Variants in RPTOR observed in about 807,000 individuals in gnomAD.
RPTOR encodes regulatory associated protein of MTOR complex 1, also known as regulatory-associated protein of mTOR.
Under a neutral mutation model 169.9 loss-of-function variants are expected in RPTOR, and 21 were observed. That is an observed-to-expected ratio of 0.12 (90% CI 0.09 to 0.18). The LOEUF is 0.18. Among genes scored for constraint, RPTOR ranks in the 10% least tolerant of loss-of-function variants. RPTOR has a pLI of 1.00. For synonymous variants in RPTOR, 732 were observed against 753.2 expected (o/e 0.97, Z 0.46); for missense variants, 1,133 against 1,855.9 (o/e 0.61, Z 7.16).
chr17:80,778,870 C>CTCATGTGCGG (rs2143446186), intron 6 of RPTOR, among the ~76,000 whole-genome samples: 1 of 152,340 alleles, frequency 6.6e-6, no homozygotes, highest in East Asian at 1.9e-4. Flanking sequence ...GAAGGAACAA[C>CTCATGTGCGG]TGTCGTGGCA....
In RPTOR at chr17:80,545,658, T is replaced by C; in HGVS notation, c.29T>C (p.Leu10Pro). 5 of 1,613,330 alleles carry C rather than the reference T, an allele frequency of 3.1e-6. No individual in the cohort carries two copies. The highest frequency in any genetic ancestry group is 4.2e-6 in the Non-Finnish European group (5 of 1,179,600). Residue 10 changes from leucine (L) to proline (P), a missense_variant, in exon 1 of 34, where the codon CTT becomes CCT. Around this residue, in one of 9 missense-constraint regions of RPTOR, gnomAD observed 47 missense variants for 59.5 expected, o/e 0.79. Coordinates refer to ENST00000306801, the MANE Select transcript of RPTOR (RefSeq NM_020761.3). ...GAGTCCGAAATGCTGCAATCGCCTCTTCTGGGCCTGGGGGAGGAAGATGAG... is the reference window on the plus strand; with the variant it reads ...GAGTCCGAAATGCTGCAATCGCCTCCTCTGGGCCTGGGGGAGGAAGATGAG... MESEMLQSP[L>P]LGLGEEDEAD...
At chr17:80,760,776 C>T (rs9902665) in intron 6 of RPTOR, among the ~76,000 whole-genome samples, 57,665 of 151,920 alleles carry the variant, frequency 0.38, 11,540 homozygotes, top group East Asian at 0.56. Flanking sequence ...AGGTGGATTC[C>T]CTCCCTCCCT....
intron 6 of RPTOR, among the ~76,000 whole-genome samples, chr17:80,790,470 T>C: frequency 6.6e-6 from 1 of 152,156 alleles, no homozygotes; most frequent in East Asian, 1.9e-4. Flanking sequence ...GTCTTCCTGG[T>C]TCTGGATCTC....
chr17:80,776,405 G>C (rs1237938572), intron 6 of RPTOR, among the ~76,000 whole-genome samples: 1 of 141,012 alleles, frequency 7.1e-6, no homozygotes, highest in South Asian at 2.3e-4. Context: ...CTCACTGCAA[G>C]TTCTGCCTCC....
At chr17:80,834,229 G>A (rs112431639) in intron 9 of RPTOR, among the ~76,000 whole-genome samples, 1 of 152,362 alleles carries the variant, frequency 6.6e-6, no homozygotes, top group South Asian at 2.1e-4. Context: ...GTTCAGGGCC[G>A]CTTCACTGTG....
At chr17:80,577,845 C>T (rs1427478983) in intron 1 of RPTOR, among the ~76,000 whole-genome samples, 1 of 152,322 alleles carries the variant, frequency 6.6e-6, no homozygotes, top group East Asian at 1.9e-4. Flanking sequence ...TCTTTGTAAT[C>T]TGGAAGACCT....
chr17:80,677,127 T>C (rs2065866740), intron 3 of RPTOR, among the ~76,000 whole-genome samples: 1 of 152,186 alleles, frequency 6.6e-6, no homozygotes, highest in South Asian at 2.1e-4. Context: ...TGTGATGAGC[T>C]CTTATTGTGA....
rs1003416530 is a variant in RPTOR at position 80,823,336 on chromosome 17, C to T, written c.1136+113C>T. The T allele has an allele frequency of 8.9e-6, 12 of 1,350,880 alleles. No individual in the cohort carries two copies. Among genetic ancestry groups the T allele is most frequent in the African/African-American group, 1.5e-5 (1 of 68,884 alleles). The allele number at this position is 1,350,880 out of a possible 1,614,324, so 83.7% of individuals were successfully genotyped here. ...AGGCCCCACACCTAACTTGGGGACC[C>T]CGTGTAGCATTAACAAGTGAAGCTA... On this transcript the variant is annotated intron_variant, in intron 9 of 33. Coordinates refer to ENST00000306801, the MANE Select transcript of RPTOR (RefSeq NM_020761.3). This position sits in a 1 kb window ranked among gnomAD's most constrained non-coding sequence, Gnocchi z 4.5.
intron 7 of RPTOR, among the ~76,000 whole-genome samples, chr17:80,801,115 T>C (rs996685042): frequency 6.6e-5 from 10 of 152,202 alleles, no homozygotes; most frequent in Admixed American, 2.6e-4. Flanking sequence ...CCGTCTCATC[T>C]GAGCCTGGGG....
chr17:80,931,920 G>A (rs1177226848), intron 24 of RPTOR, among the ~76,000 whole-genome samples: 3 of 140,622 alleles, frequency 2.1e-5, no homozygotes, highest in South Asian at 2.6e-4. Context: ...GCAGACACAC[G>A]AGGAAAGCCA....
chr17:80,858,713 T>G (rs2067883974), intron 13 of RPTOR, among the ~76,000 whole-genome samples: 1 of 149,492 alleles, frequency 6.7e-6, no homozygotes, highest in Non-Finnish European at 1.5e-5. Context: ...CTTGAGGGGG[T>G]GGATGTCGGG....
chr17:80,830,860 C>T (rs562699474), intron 9 of RPTOR, among the ~76,000 whole-genome samples: 2 of 151,864 alleles, frequency 1.3e-5, no homozygotes, highest in African/African-American at 4.8e-5. Flanking sequence ...AAGCAATCCT[C>T]TCACGTCAGA....
intron 7 of RPTOR, among the ~76,000 whole-genome samples, chr17:80,811,610 C>T (rs1598322622): frequency 6.6e-6 from 1 of 151,492 alleles, no homozygotes; most frequent in South Asian, 2.1e-4. Flanking sequence ...CTAAACCTCA[C>T]TGTACCCACG....
intron 10 of RPTOR, among the ~76,000 whole-genome samples, chr17:80,846,079 C>T (rs2067726241): frequency 2.6e-5 from 4 of 152,234 alleles, no homozygotes; most frequent in Admixed American, 2.6e-4. Context: ...AGCGTGTCCC[C>T]AGCCAGACTT....
intron 20 of RPTOR, among the ~76,000 whole-genome samples, chr17:80,902,659 G>T (rs572335953): frequency 6.6e-6 from 1 of 152,354 alleles, no homozygotes; most frequent in African/African-American, 2.4e-5. Flanking sequence ...CAGGATGGAA[G>T]GATGGCTGGA....
intron 1 of RPTOR, among the ~76,000 whole-genome samples, chr17:80,622,744 T>C (rs2065363598): frequency 1.3e-5 from 2 of 151,938 alleles, no homozygotes; most frequent in Admixed American, 1.3e-4. Flanking sequence ...CTACCAAAAA[T>C]ACAAATAAAA....
chr17:80,586,341 C>T (rs915769563), intron 1 of RPTOR, among the ~76,000 whole-genome samples: 3 of 152,100 alleles, frequency 2.0e-5, no homozygotes, highest in African/African-American at 7.2e-5. Context: ...CTGCCTGCCC[C>T]GTGATCCTGT....
At chr17:80,864,372 A>G (rs2014851) in intron 13 of RPTOR, among the ~76,000 whole-genome samples, 27,159 of 104,218 alleles carry the variant, frequency 0.26, 3,117 homozygotes, top group Non-Finnish European at 0.29. Flanking sequence ...AAAGGTGAGA[A>G]TGATGGCAAG....
chr17:80,791,493 C>T lies in RPTOR; in HGVS notation c.874C>T (p.Leu292=), dbSNP rs746059775. ...TGTCAGTCTGGTGCCTGGCGTCACA[C>T]TGGATTTGATAGAAAAGTAAGTAGG... ...KCVSLVPGVT[L]DLIEKIPGRL... is the part of the protein sequence containing the mutation. Residue 292 remains leucine, a synonymous_variant, in exon 7 of 34, where the codon CTG becomes TTG. Coordinates refer to ENST00000306801, the MANE Select transcript of RPTOR (RefSeq NM_020761.3). The T allele has an allele frequency of 6.2e-6, 10 of 1,613,702 alleles. No individual in the cohort carries two copies. Among genetic ancestry groups the T allele is most frequent in the Non-Finnish European group, 8.5e-6 (10 of 1,179,932 alleles).
Sources: gnomAD v4.1 joint callset for allele counts (sites outside exome capture counted in the v4.1 genomes callset) on GRCh38, gnomAD v4.1.1 for gene constraint, gnomAD v4.1.1 regional missense constraint, Gnocchi (gnomAD v3.1) non-coding constraint, MANE v1.5 for transcripts, NCBI Gene and HGNC (gene_info 2026-07-23, HGNC 2026-07-21) for gene names.